The following DACH2 variants were observed in gnomAD, a reference collection of about 807,000 sequenced individuals.
DACH2 encodes the protein dachshund family transcription factor 2, also known as dachshund homolog 2.
DACH2 carries 17 observed loss-of-function variants against 35.8 expected under a neutral mutation model. That is an observed-to-expected ratio of 0.48 (90% CI 0.33 to 0.71). DACH2 has a LOEUF of 0.71. Among genes scored for constraint, DACH2 ranks in the 30% least tolerant of loss-of-function variants. DACH2 has a pLI of 0.02. For missense variants in DACH2, 469 were observed against 472.7 expected (o/e 0.99, Z 0.07); for synonymous variants, 195 against 177.3 (o/e 1.10, Z -0.79).
At chrX:86,671,218 C>T in intron 4 of DACH2, among the ~76,000 whole-genome samples, 1 of 111,737 alleles carries the variant, frequency 8.9e-6, no homozygotes, top group Middle Eastern at 4.3e-3. Flanking sequence ...TACATGATAC[C>T]TTCTAATTCA....
intron 2 of DACH2, among the ~76,000 whole-genome samples, chrX:86,482,329 T>C (rs181824322): frequency 8.9e-6 from 1 of 112,244 alleles, no homozygotes; most frequent in Non-Finnish European, 1.9e-5. Context: ...AAAATACAAA[T>C]ACATAAAAAT....
At chrX:86,401,474 G>A (rs768000323) in intron 2 of DACH2, among the ~76,000 whole-genome samples, 28 of 111,721 alleles carry the variant, frequency 2.5e-4, no homozygotes, top group Middle Eastern at 4.6e-3. Context: ...TGTCGCTCAC[G>A]CTGGGAGCTG....
intron 1 of DACH2, among the ~76,000 whole-genome samples, chrX:86,159,882 CTAAA>C (rs1187588300): frequency 9.0e-6 from 1 of 111,407 alleles, no homozygotes; most frequent in Non-Finnish European, 1.9e-5. Flanking sequence ...ATTTACCTGT[CTAAA>C]TATATTTTAC....
chrX:86,306,464 G>T (rs1478749610), intron 1 of DACH2, among the ~76,000 whole-genome samples: 1 of 111,873 alleles, frequency 8.9e-6, no homozygotes, highest in East Asian at 2.8e-4. Context: ...ATTAATCCTG[G>T]GTGTGTCTGT....
chrX:86,285,854 G>T (rs1244024208), intron 1 of DACH2, among the ~76,000 whole-genome samples: 1 of 110,611 alleles, frequency 9.0e-6, no homozygotes, highest in Non-Finnish European at 1.9e-5. Context: ...CTCCAGTGTT[G>T]GGTGTATATA....
Position 86,762,159 on chromosome X carries a change from CAAAT to C in DACH2, c.1240+22281_1240+22284del, listed in dbSNP as rs751276231. On this transcript the variant is annotated intron_variant, in intron 7 of 11. Transcript: ENST00000373125. ...TTAAAGGTCAAAAGAGATCAACAAA[CAAAT>C]AAAAAAAGATTCAAACAATCATAGA... is the stretch of plus-strand genomic sequence containing the variant. Among the ~76,000 whole-genome samples the C allele has an allele frequency of 2.7e-5, 3 of 110,870 alleles. No homozygotes were observed. The South Asian group carries it at 1.1e-3, about 42-fold the overall frequency.
intron 3 of DACH2, among the ~76,000 whole-genome samples, chrX:86,572,852 A>G (rs2039388728): frequency 9.0e-6 from 1 of 110,898 alleles, no homozygotes; most frequent in Non-Finnish European, 1.9e-5. Context: ...TTTTTTCAGC[A>G]AAAGCTTTAG....
intron 2 of DACH2, among the ~76,000 whole-genome samples, chrX:86,510,084 G>T (rs946032070): frequency 9.0e-6 from 1 of 111,719 alleles, no homozygotes; most frequent in Non-Finnish European, 1.9e-5. Context: ...CATAAACTGT[G>T]ATTCCTTGCT....
At position 86,512,157 on chromosome X, in the gene DACH2, T is replaced by C. The variant is rs375278948; in HGVS notation, c.528-2122T>C. On this transcript the variant is annotated intron_variant, in intron 2 of 11. Transcript: ENST00000373125. Reference sequence around the variant, plus strand: ...TACCTTCATGGAGCTTAGATTCCAGTTGGGGAGACTCACAATTAATCATAC... The same window carrying C: ...TACCTTCATGGAGCTTAGATTCCAGCTGGGGAGACTCACAATTAATCATAC... 1.3e-4 allele frequency among the ~76,000 whole-genome samples: 14 copies of C among 111,477 alleles called. No homozygotes were observed. The East Asian group carries it at 1.7e-3, about 14-fold the overall frequency.
rs149900388 is a variant in DACH2 at position 86,233,725 on chromosome X, C to T, written c.488+84617C>T. 2.7e-5 allele frequency among the ~76,000 whole-genome samples: 3 copies of T among 111,760 alleles called. No homozygotes were observed. In the East Asian group the frequency reaches 8.5e-4, roughly 32 times the overall value. ...AAGAGGTTTAGTTGGACTTACAGTT[C>T]CACATGGTTGGGGAGGCCTCAGAAT... On this transcript the variant is annotated intron_variant, in intron 1 of 11. Transcript: ENST00000373125.
At position 86,698,513 on chromosome X, in the gene DACH2, AGTTTTGT is replaced by A. The variant is rs1192499090; in HGVS notation, c.931+3340_931+3346del. Among the ~76,000 whole-genome samples the A allele has an allele frequency of 9.4e-4, 25 of 26,570 alleles. 4 individuals are homozygous for A. Among genetic ancestry groups the A allele is most frequent in the Non-Finnish European group, 1.7e-3 (24 of 13,973 alleles). 23.1% of individuals were successfully genotyped at this position (26,570 alleles called of 115,157 possible). ...TTTAATTTCTTCTTTTTGTTTTGTT[AGTTTTGT>A]GTTTTTTTTTTTTTTTTTTTTTTTT... On this transcript the variant is annotated intron_variant, in intron 5 of 11. Transcript: ENST00000373125.
chrX:86,324,138 T>C (rs1258002236), intron 1 of DACH2, among the ~76,000 whole-genome samples: 1 of 111,986 alleles, frequency 8.9e-6, no homozygotes, highest in Non-Finnish European at 1.9e-5. Context: ...TGAGCTTCTT[T>C]TTGTTAGATG....
At chrX:86,553,038 A>T (rs769429090) in intron 3 of DACH2, among the ~76,000 whole-genome samples, 1 of 111,038 alleles carries the variant, frequency 9.0e-6, no homozygotes, top group Admixed American at 9.7e-5. Context: ...TGTATATATG[A>T]AGGGGAATTT....
intron 2 of DACH2, among the ~76,000 whole-genome samples, chrX:86,451,237 T>C (rs1602534112): frequency 8.9e-6 from 1 of 111,796 alleles, no homozygotes; most frequent in South Asian, 3.7e-4. Context: ...TTTTTGTATA[T>C]GGTATAAGGA....
chrX:86,173,511 A>G (rs1260619824), intron 1 of DACH2, among the ~76,000 whole-genome samples: 1 of 111,482 alleles, frequency 9.0e-6, no homozygotes, highest in Non-Finnish European at 1.9e-5. Context: ...GGAGTTAGGC[A>G]AGTAGAATCT....
intron 2 of DACH2, among the ~76,000 whole-genome samples, chrX:86,417,094 A>AC: frequency 9.9e-6 from 1 of 100,829 alleles, no homozygotes; most frequent in Non-Finnish European, 2.0e-5. Context: ...CATCTCAAAA[A>AC]AAAAAAAAAA....
At chrX:86,291,557 G>T (rs2034295202) in intron 1 of DACH2, among the ~76,000 whole-genome samples, 1 of 108,042 alleles carries the variant, frequency 9.3e-6, no homozygotes, top group African/African-American at 3.4e-5. Flanking sequence ...TATTGTCTGT[G>T]GGTTTGTCAT....
intron 3 of DACH2, among the ~76,000 whole-genome samples, chrX:86,567,987 A>G (rs934044691): frequency 9.0e-6 from 1 of 111,679 alleles, no homozygotes; most frequent in Non-Finnish European, 1.9e-5. Context: ...AAGAAATGCA[A>G]TATCAAGCAA....
intron 3 of DACH2, among the ~76,000 whole-genome samples, chrX:86,587,349 C>T (rs1035096065): frequency 1.5e-4 from 17 of 111,601 alleles, no homozygotes; most frequent in Non-Finnish European, 5.7e-5. Context: ...AGCATCATGA[C>T]ATCTCCAAAT....
Sources: allele counts gnomAD v4.1 joint callset (sites outside exome capture counted in the v4.1 genomes callset), GRCh38; gene constraint gnomAD v4.1.1; transcripts MANE v1.5; gene names NCBI Gene and HGNC (gene_info 2026-07-23, HGNC 2026-07-21).